The following NFIB variants were observed in gnomAD, a reference collection of about 807,000 sequenced individuals.
The protein encoded by NFIB is nuclear factor 1 B-type.
Under a neutral mutation model 61.5 loss-of-function variants are expected in NFIB, and 11 were observed. The ratio of observed to expected loss-of-function variants is 0.18; its 90% confidence interval spans 0.11 to 0.30. NFIB has a LOEUF of 0.30. Among genes scored for constraint, NFIB ranks in the 10% least tolerant of loss-of-function variants. NFIB has a pLI of 1.00. For synonymous variants in NFIB, 260 were observed against 216.5 expected, an observed-to-expected ratio of 1.20 and a Z score of -1.76; for missense variants, 471 against 608.9, an observed-to-expected ratio of 0.77 and a Z score of 2.38.
chr9:14,172,827 T>C (rs2045719545), intron 3 of NFIB, among the ~76,000 whole-genome samples: 1 of 152,034 alleles, frequency 6.6e-6, no homozygotes, highest in Non-Finnish European at 1.5e-5. Context: ...TGCTGTGCAA[T>C]GACATGGTCT....
Position 14,127,078 on chromosome 9 carries a change from GAT to G in NFIB, c.926-1314_926-1313del, listed in dbSNP as rs549960378. 1.7e-3 allele frequency among the ~76,000 whole-genome samples: 261 copies of G among 152,298 alleles called. 2 individuals are homozygous for G. The highest frequency in any genetic ancestry group is 3.4e-3 in the Middle Eastern group (1 of 294). On this transcript the variant is annotated intron_variant, in intron 6 of 10. Transcript: ENST00000380953. The stretch of plus-strand genomic sequence containing the variant: ...TCATAAATATTTAATACTGCCAAAA[GAT>G]AGATCATGAGAGCTTGAAATAAGAA...
intron 2 of NFIB, among the ~76,000 whole-genome samples, chr9:14,198,447 C>G (rs757202229): frequency 6.6e-6 from 1 of 152,126 alleles, no homozygotes; most frequent in Non-Finnish European, 1.5e-5. Context: ...CAGTGGAGAT[C>G]TGCATATAAT....
chr9:14,517,414 C>T, the NFIB span, among the ~76,000 whole-genome samples: 1 of 152,188 alleles, frequency 6.6e-6, no homozygotes, highest in Non-Finnish European at 1.5e-5. Context: ...TTGGATGACA[C>T]AGATGGAATG....
the NFIB span, among the ~76,000 whole-genome samples, chr9:14,527,213 C>T: frequency 1.3e-5 from 2 of 152,142 alleles, no homozygotes; most frequent in Admixed American, 6.6e-5. Context: ...AGTATAATTT[C>T]TCTGTGACAA....
the NFIB span, among the ~76,000 whole-genome samples, chr9:14,492,776 C>T: frequency 3.8e-4 from 58 of 152,212 alleles, no homozygotes; most frequent in South Asian, 1.7e-3. Flanking sequence ...AACACAGACC[C>T]AAACCATAGC....
intron 6 of NFIB, among the ~76,000 whole-genome samples, chr9:14,126,013 T>C (rs1490621112): frequency 2.0e-5 from 3 of 152,204 alleles, no homozygotes; most frequent in Non-Finnish European, 2.9e-5. Context: ...ACTAAATAAA[T>C]CTTAAACTTC....
the NFIB span, among the ~76,000 whole-genome samples, chr9:14,491,057 T>G: frequency 6.6e-6 from 1 of 152,220 alleles, no homozygotes; most frequent in Non-Finnish European, 1.5e-5. Flanking sequence ...AGCCCAAATG[T>G]GGGCTTGGAA....
In NFIB at chr9:14,088,177, T is replaced by C. The variant is rs1410231661; in HGVS notation, c.*132A>G. 2.0e-5 allele frequency: 30 copies of C among 1,499,300 alleles called. No homozygotes were observed. The highest frequency in any genetic ancestry group is 2.6e-5 in the Non-Finnish European group (29 of 1,117,350). The allele number at this position is 1,499,300 out of a possible 1,614,324, so 92.9% of individuals were successfully genotyped here. A position where few individuals can be genotyped will look rare whatever the true frequency, so the allele number is the denominator to read the frequency against. On this transcript the variant is annotated 3_prime_UTR_variant, in exon 11 of 11. Coordinates refer to ENST00000380953, the MANE Select transcript of NFIB (RefSeq NM_001190737.2). Reference sequence around the variant, plus strand: ...TTTAAAAAAAAAATTTCTTAAACTATTGTTGTGTTTCTTTTTCCCTCAGTT... The same window carrying C: ...TTTAAAAAAAAAATTTCTTAAACTACTGTTGTGTTTCTTTTTCCCTCAGTT...
At chr9:14,346,141 T>G (rs1221243844) in intron 1 of NFIB, among the ~76,000 whole-genome samples, 3 of 151,348 alleles carry the variant, frequency 2.0e-5, no homozygotes, top group Admixed American at 1.3e-4. Flanking sequence ...GGGGGGCGCG[T>G]GGGGCACGTG....
At chr9:14,435,789 G>T in the NFIB span, among the ~76,000 whole-genome samples, 1 of 152,184 alleles carries the variant, frequency 6.6e-6, no homozygotes, top group Non-Finnish European at 1.5e-5. Flanking sequence ...TGTTTAAAAG[G>T]AAGGTGGGCA....
At chr9:14,462,209 T>A in the NFIB span, among the ~76,000 whole-genome samples, 1 of 152,228 alleles carries the variant, frequency 6.6e-6, no homozygotes, top group African/African-American at 2.4e-5. Flanking sequence ...ATATATTCTT[T>A]GGTTTCTGCT....
the NFIB span, among the ~76,000 whole-genome samples, chr9:14,526,195 G>GA: frequency 1.3e-3 from 195 of 150,682 alleles, 1 homozygote; most frequent in Middle Eastern, 6.9e-3. Context: ...TGAGAAGTTA[G>GA]AAAAAAAAAG....
chr9:14,138,173 T>C (rs2041284704), intron 6 of NFIB, among the ~76,000 whole-genome samples: 1 of 152,128 alleles, frequency 6.6e-6, no homozygotes, highest in Admixed American at 6.6e-5. Flanking sequence ...ATGGGGTTTC[T>C]GTCAGGTTTA....
At chr9:14,449,903 C>A in the NFIB span, among the ~76,000 whole-genome samples, 10 of 151,960 alleles carry the variant, frequency 6.6e-5, no homozygotes, top group Admixed American at 2.6e-4. Flanking sequence ...CCACTGCACT[C>A]CAGCCTGGGC....
chr9:14,141,078 C>T (rs1282648197), intron 6 of NFIB, among the ~76,000 whole-genome samples: 1 of 152,128 alleles, frequency 6.6e-6, no homozygotes, highest in Non-Finnish European at 1.5e-5. Context: ...TGGCTTAATG[C>T]GTTTGACATT....
chr9:14,471,724 T>A, the NFIB span, among the ~76,000 whole-genome samples: 1 of 152,216 alleles, frequency 6.6e-6, no homozygotes, highest in African/African-American at 2.4e-5. Context: ...TCACAGGGCC[T>A]TGGAACTCAT....
intron 1 of NFIB, among the ~76,000 whole-genome samples, chr9:14,360,498 T>A (rs1480286609): frequency 6.6e-6 from 1 of 152,084 alleles, no homozygotes; most frequent in Non-Finnish European, 1.5e-5. Flanking sequence ...TTTTGGCAAA[T>A]TGAATGATTT....
intron 2 of NFIB, among the ~76,000 whole-genome samples, chr9:14,205,541 G>T (rs544207666): frequency 2.0e-4 from 31 of 152,056 alleles, no homozygotes; most frequent in African/African-American, 7.5e-4. Context: ...GCATAATGAG[G>T]TCAGTGGATT....
At chr9:14,509,118 T>A in the NFIB span, among the ~76,000 whole-genome samples, 1 of 152,196 alleles carries the variant, frequency 6.6e-6, no homozygotes, top group Non-Finnish European at 1.5e-5. Context: ...CTTACTTGTG[T>A]TGGACACTGA....
Sources: allele counts gnomAD v4.1 joint callset (sites outside exome capture counted in the v4.1 genomes callset), GRCh38; gene constraint gnomAD v4.1.1; transcripts MANE v1.5; gene names NCBI Gene and HGNC (gene_info 2026-07-23, HGNC 2026-07-21).